SLC12A6: variants seen among roughly 807,000 people sequenced by gnomAD.
SLC12A6 encodes the protein solute carrier family 12 member 6, also known as K-Cl cotransporter 3.
SLC12A6 carries 66 observed loss-of-function variants against 135.3 expected under a neutral mutation model. That is an observed-to-expected ratio of 0.49 (90% CI 0.40 to 0.60). SLC12A6 has a LOEUF of 0.60. Ranked by LOEUF, SLC12A6 falls within the 20% of genes least tolerant of loss-of-function variation. The probability of loss-of-function intolerance (pLI) is 0.00; values close to 1 mark genes in which losing one functional copy is unlikely to be tolerated. For synonymous variants in SLC12A6, 513 were observed against 508.8 expected, an observed-to-expected ratio of 1.01 and a Z score of -0.11; for missense variants, 1,058 against 1,452.3, an observed-to-expected ratio of 0.73 and a Z score of 4.41.
intron 3 of SLC12A6, among the ~76,000 whole-genome samples, chr15:34,271,028 A>G (rs1335709788): frequency 1.3e-5 from 2 of 152,106 alleles, no homozygotes; most frequent in Non-Finnish European, 2.9e-5. Context: ...TCACAATCAT[A>G]AGAACATAGA....
chr15:34,234,840 T>C (rs570338147), intron 25 of SLC12A6, among the ~76,000 whole-genome samples: 85 of 152,306 alleles, frequency 5.6e-4, no homozygotes, highest in African/African-American at 2.0e-3. Context: ...CCCCTAACTC[T>C]ATCCAAAAGA....
At position 34,336,723 on chromosome 15, in the gene SLC12A6, A is replaced by G. The variant is rs1488986828; in HGVS notation, c.-43T>C. 2 of 1,561,034 alleles carry G rather than the reference A, an allele frequency of 1.3e-6. No individual in the cohort carries two copies. On this transcript the variant is annotated 5_prime_UTR_variant, in exon 2 of 26. Transcript: ENST00000354181. Reference sequence around the variant, plus strand: ...CAAAAAAAGTGGGGGGAACCTCGCAAAATCTTCCTCTTACGCTAGCTACTT... The same window carrying G: ...CAAAAAAAGTGGGGGGAACCTCGCAGAATCTTCCTCTTACGCTAGCTACTT...
rs144238921 is a variant in SLC12A6, at chr15:34,318,578, T to G, written c.271+17832A>C. 9.3e-6 allele frequency: 15 copies of G among 1,614,006 alleles called. No individual in the cohort carries two copies. In the East Asian group the frequency reaches 3.3e-4, roughly 36 times the overall value. On this transcript the variant is annotated intron_variant, in intron 2 of 25. Coordinates refer to ENST00000354181, the MANE Select transcript of SLC12A6 (RefSeq NM_001365088.1). Reference sequence around the variant, plus strand: ...GTACTCACCTGGTTCATCTGAATCCTGAATCCGGGCTTTTATGTCTGCTAA... The same window carrying G: ...GTACTCACCTGGTTCATCTGAATCCGGAATCCGGGCTTTTATGTCTGCTAA...
Position 34,258,918 on chromosome 15 carries a change from C to A in SLC12A6, c.438G>T (p.Val146=). The change falls in exon 5 of 26, where the codon GTG becomes GTT. Residue 146 remains valine (V), a synonymous_variant. Transcript: ENST00000354181. Reference sequence around the variant, plus strand: ...TGGCCATGCGGTTGAGGAGGGAAGACACCTTCGGTCTGGTGTCCATTTCTT... The same window carrying A: ...TGGCCATGCGGTTGAGGAGGGAAGAAACCTTCGGTCTGGTGTCCATTTCTT... ...FEEEMDTRPK[V]SSLLNRMANY... 6.2e-7 allele frequency: 1 copy of A among 1,611,632 alleles called. No individual in the cohort carries two copies. The highest frequency in any genetic ancestry group is 8.5e-7 in the Non-Finnish European group (1 of 1,177,682).
At chr15:34,247,708 C>CTT (rs560146427) in intron 13 of SLC12A6, among the ~76,000 whole-genome samples, 12 of 143,698 alleles carry the variant, frequency 8.4e-5, no homozygotes, top group East Asian at 6.1e-4. Flanking sequence ...ACTATCCTGA[C>CTT]TTTTTTTTTT....
At chr15:34,241,142 C>T in intron 18 of SLC12A6, 91 bp downstream of exon 18, 1 of 764,406 alleles carries the variant, frequency 1.3e-6, no homozygotes, top group Non-Finnish European at 2.4e-6. Flanking sequence ...ATTCCTTGAG[C>T]CACATATGGT....
intron 8 of SLC12A6, among the ~76,000 whole-genome samples, chr15:34,254,833 G>A (rs1892640221): frequency 6.6e-6 from 1 of 151,096 alleles, no homozygotes; most frequent in South Asian, 2.1e-4. Flanking sequence ...AGAAAGGAAA[G>A]GAACAAATTA....
intron 2 of SLC12A6, among the ~76,000 whole-genome samples, chr15:34,317,170 T>TA: frequency 6.6e-6 from 1 of 152,190 alleles, no homozygotes; most frequent in East Asian, 1.9e-4. Flanking sequence ...AAAATGAAAA[T>TA]AACCTTGCGG....
chr15:34,281,175 C>A (rs140421268), intron 2 of SLC12A6, among the ~76,000 whole-genome samples: 145 of 152,068 alleles, frequency 9.5e-4, no homozygotes, highest in African/African-American at 3.3e-3. Context: ...ATATTAGACT[C>A]AAATAGCTAG....
chr15:34,334,455 A>G (rs551909721), intron 2 of SLC12A6, among the ~76,000 whole-genome samples: 73 of 152,188 alleles, frequency 4.8e-4, no homozygotes, highest in Non-Finnish European at 9.1e-4. Context: ...AAGGGCTTTC[A>G]CATACTGAGA....
At position 34,244,081 on chromosome 15, in the gene SLC12A6, TA is replaced by T. The variant is rs769896374; in HGVS notation, c.1944-10del. 9 of 1,426,006 alleles carry T rather than the reference TA, an allele frequency of 6.3e-6. No homozygotes were observed. The East Asian group carries it at 2.0e-4, about 32-fold the overall frequency. The allele number at this position is 1,426,006 out of a possible 1,614,324, so 88.3% of individuals were successfully genotyped here. On this transcript the variant is annotated splice_polypyrimidine_tract_variant and intron_variant, in intron 15 of 25. Coordinates refer to ENST00000354181, the MANE Select transcript of SLC12A6 (RefSeq NM_001365088.1). ...AACACATGAGAAAAAACCTGAAGAA[TA>T]AAGAGTAAGAGGAATGATTATTACT...
chr15:34,310,457 G>T lies in SLC12A6; in HGVS notation c.271+25953C>A, dbSNP rs527679865. 4.2e-4 allele frequency among the ~76,000 whole-genome samples: 43 copies of T among 101,792 alleles called. 1 individual carries two copies. Among genetic ancestry groups the T allele is most frequent in the African/African-American group, 1.9e-3 (40 of 21,478 alleles). 66.8% of individuals were successfully genotyped at this position (101,792 alleles called of 152,430 possible). ...TGTGTGTCCCCGTGTCCAGGCTGGTGTTGAACTCCTGGGCTCAAGTGTGTG... is the reference window on the plus strand; with the variant it reads ...TGTGTGTCCCCGTGTCCAGGCTGGTTTTGAACTCCTGGGCTCAAGTGTGTG... On this transcript the variant is annotated intron_variant, in intron 2 of 25. Transcript: ENST00000354181.
At chr15:34,318,901 G>T in intron 2 of SLC12A6, 1 of 1,114,954 alleles carries the variant, frequency 9.0e-7, no homozygotes, top group Non-Finnish European at 1.2e-6. Context: ...CACTTAAAAG[G>T]ATTAAGCACT....
chr15:34,329,010 T>A (rs1026935046), intron 2 of SLC12A6, among the ~76,000 whole-genome samples: 5 of 152,264 alleles, frequency 3.3e-5, no homozygotes, highest in African/African-American at 1.2e-4. Flanking sequence ...ATTAAAAGAA[T>A]ACATTGTTTT....
At chr15:34,242,975 C>T (rs895702234) in intron 16 of SLC12A6, among the ~76,000 whole-genome samples, 4 of 152,158 alleles carry the variant, frequency 2.6e-5, no homozygotes, top group Non-Finnish European at 5.9e-5. Context: ...CTCACTGCAA[C>T]CTCCGACTCC....
At chr15:34,287,564 T>C (rs56964418) in intron 2 of SLC12A6, among the ~76,000 whole-genome samples, 5,979 of 152,262 alleles carry the variant, frequency 0.039, 220 homozygotes, top group African/African-American at 0.099. Flanking sequence ...CTCTATTCCA[T>C]AACGATTGAA....
intron 2 of SLC12A6, among the ~76,000 whole-genome samples, chr15:34,332,715 G>A (rs1304240964): frequency 6.6e-6 from 1 of 151,944 alleles, no homozygotes; most frequent in Admixed American, 6.6e-5. Context: ...CCAGGGAGGT[G>A]GAGGTTGCAG....
chr15:34,284,882 A>G (rs1435257675), intron 2 of SLC12A6, among the ~76,000 whole-genome samples: 2 of 152,238 alleles, frequency 1.3e-5, no homozygotes, highest in Non-Finnish European at 2.9e-5. Flanking sequence ...AAAATTGAAG[A>G]TATCTAACCA....
At chr15:34,268,066 T>A (rs1893650598) in intron 3 of SLC12A6, among the ~76,000 whole-genome samples, 1 of 152,190 alleles carries the variant, frequency 6.6e-6, no homozygotes, top group African/African-American at 2.4e-5. Flanking sequence ...CTCAGGACCA[T>A]GTCATTTCTC....
Sources: gnomAD v4.1 joint callset for allele counts (sites outside exome capture counted in the v4.1 genomes callset) on GRCh38, gnomAD v4.1.1 for gene constraint, MANE v1.5 for transcripts, NCBI Gene and HGNC (gene_info 2026-07-23, HGNC 2026-07-21) for gene names.